ITGB5: variants seen among roughly 807,000 people sequenced by gnomAD.
ITGB5 encodes integrin subunit beta 5.
Under a neutral mutation model 84.8 loss-of-function variants are expected in ITGB5, and 38 were observed. That is an observed-to-expected ratio of 0.45 (90% CI 0.35 to 0.59). The LOEUF (loss-of-function observed/expected upper bound fraction) is 0.59, where lower values mean the gene tolerates loss of function less well. Ranked by LOEUF, ITGB5 falls within the 20% of genes least tolerant of loss-of-function variation. The probability of loss-of-function intolerance (pLI) is 0.01; values close to 1 mark genes in which losing one functional copy is unlikely to be tolerated. For missense variants in ITGB5, 905 were observed against 1,034.5 expected (o/e 0.87, Z 1.72); for synonymous variants, 393 against 414.4 (o/e 0.95, Z 0.63).
At chr3:124,843,320 T>G (rs965851261) in intron 4 of ITGB5, among the ~76,000 whole-genome samples, 1 of 152,220 alleles carries the variant, frequency 6.6e-6, no homozygotes, top group Non-Finnish European at 1.5e-5. Flanking sequence ...CCCTGGCCTA[T>G]GTGGCTCTGG....
chr3:124,819,628 G>T, intron 7 of ITGB5, 111 bp downstream of exon 7: 1 of 782,898 alleles, frequency 1.3e-6, no homozygotes. Context: ...GATCAAGACT[G>T]GGCTATATTC....
At chr3:124,783,906 C>T (rs1031293023) in intron 10 of ITGB5, among the ~76,000 whole-genome samples, 3 of 152,098 alleles carry the variant, frequency 2.0e-5, no homozygotes, top group Admixed American at 6.5e-5. Context: ...CTCCTCTGTC[C>T]GCGGCATATT....
intron 4 of ITGB5, among the ~76,000 whole-genome samples, chr3:124,846,884 G>A (rs1293109810): frequency 6.6e-6 from 1 of 152,060 alleles, no homozygotes; most frequent in Non-Finnish European, 1.5e-5. Context: ...GCAGGGAGCC[G>A]AGATTGCACC....
At chr3:124,793,504 T>A (rs898623509) in intron 10 of ITGB5, among the ~76,000 whole-genome samples, 2 of 152,218 alleles carry the variant, frequency 1.3e-5, no homozygotes, top group Non-Finnish European at 2.9e-5. Flanking sequence ...CTCCTGCACA[T>A]GGGGAACCAG....
At chr3:124,772,760 G>T (rs2063864631) in intron 11 of ITGB5, among the ~76,000 whole-genome samples, 1 of 152,130 alleles carries the variant, frequency 6.6e-6, no homozygotes, top group Non-Finnish European at 1.5e-5. Flanking sequence ...GTCAGCGAAG[G>T]CTGGGGCCCA....
At chr3:124,890,184 AT>A (rs1179926735), upstream of ITGB5, among the ~76,000 whole-genome samples, 1 of 150,882 alleles carries the variant, frequency 6.6e-6, no homozygotes, top group Admixed American at 6.7e-5. Flanking sequence ...TACAATAAAA[AT>A]TAGTACTTAT....
At chr3:124,871,388 G>A (rs1934040364) in intron 2 of ITGB5, among the ~76,000 whole-genome samples, 1 of 152,068 alleles carries the variant, frequency 6.6e-6, no homozygotes, top group South Asian at 2.1e-4. Context: ...TACAGATGGG[G>A]TTTCACCATA....
chr3:124,833,301 G>A (rs544887182), intron 5 of ITGB5, among the ~76,000 whole-genome samples: 1 of 152,186 alleles, frequency 6.6e-6, no homozygotes, highest in Admixed American at 6.5e-5. Flanking sequence ...GAAGAAGGTT[G>A]AACCATATGA....
rs777345433 is a variant in ITGB5, at chr3:124,796,683, G to C, written c.1398C>G (p.Ser466Arg). The stretch of plus-strand genomic sequence containing the variant: ...TGGCGCTGTTGGGTTCCAGCCCCAC[G>C]CTGCAGCCGCACGTGCAGTTGTAGG... Reference protein sequence around the residue: ...GVTYNCTCGCSVGLEPNSARC... With the variant: ...GVTYNCTCGCRVGLEPNSARC... Residue 466 changes from serine (S) to arginine (R), a missense_variant, in exon 10 of 15, where the codon AGC becomes AGG. Coordinates refer to ENST00000296181, the MANE Select transcript of ITGB5 (RefSeq NM_002213.5). 7 of 1,614,046 alleles carry C rather than the reference G, an allele frequency of 4.3e-6. No homozygotes were observed. The Admixed American group carries it at 1.0e-4, about 23-fold the overall frequency.
chr3:124,780,870 T>C (rs2150947338), intron 10 of ITGB5, among the ~76,000 whole-genome samples: 1 of 152,194 alleles, frequency 6.6e-6, no homozygotes, highest in Non-Finnish European at 1.5e-5. Flanking sequence ...CTGGAAGCCT[T>C]TACACATGGG....
chr3:124,787,803 G>T (rs946099251), intron 10 of ITGB5: 4 of 152,186 alleles, frequency 2.6e-5, no homozygotes, highest in Admixed American at 2.6e-4. Flanking sequence ...TGGCTCATGT[G>T]ACTAGTTTAA....
chr3:124,783,630 G>GAAGTATTAT (rs2064038135), intron 10 of ITGB5, among the ~76,000 whole-genome samples: 1 of 152,236 alleles, frequency 6.6e-6, no homozygotes, highest in Non-Finnish European at 1.5e-5. Flanking sequence ...AAAAGGAACA[G>GAAGTATTAT]AAGTATTATT....
chr3:124,810,453 T>C (rs2064481377), intron 8 of ITGB5, among the ~76,000 whole-genome samples: 1 of 152,078 alleles, frequency 6.6e-6, no homozygotes, highest in Admixed American at 6.5e-5. Flanking sequence ...TCTGTTAGTT[T>C]AAAAAATTGT....
In ITGB5 at chr3:124,821,340, G is replaced by A; in HGVS notation, c.915C>T (p.Ala305=). ...TCTGGTTGGATGCAGTGTACTCGTTGGCCTCGTTCAGGTGGCACTGGCCAT... is the reference window on the plus strand; with the variant it reads ...TCTGGTTGGATGCAGTGTACTCGTTAGCCTCGTTCAGGTGGCACTGGCCAT... ...PHDGQCHLNE[A]NEYTASNQMD... Residue 305 remains alanine (A), a synonymous_variant, in exon 6 of 15, where the codon GCC becomes GCT. Coordinates refer to ENST00000296181, the MANE Select transcript of ITGB5 (RefSeq NM_002213.5). 6.2e-7 allele frequency: 1 copy of A among 1,614,034 alleles called. No individual in the cohort carries two copies. Among genetic ancestry groups the A allele is most frequent in the Non-Finnish European group, 8.5e-7 (1 of 1,179,938 alleles).
intron 9 of ITGB5, among the ~76,000 whole-genome samples, chr3:124,801,180 A>G (rs1422922217): frequency 6.6e-6 from 1 of 152,222 alleles, no homozygotes; most frequent in African/African-American, 2.4e-5. Flanking sequence ...GACGGGGTTC[A>G]CTGGCTGCTT....
intron 9 of ITGB5, among the ~76,000 whole-genome samples, chr3:124,808,763 C>T (rs1477164938): frequency 6.6e-6 from 1 of 152,146 alleles, no homozygotes; most frequent in Non-Finnish European, 1.5e-5. Flanking sequence ...TTTAAAACAC[C>T]AAAGTCACGA....
chr3:124,776,056 G>T (rs1277589986), intron 10 of ITGB5, among the ~76,000 whole-genome samples: 1 of 152,254 alleles, frequency 6.6e-6, no homozygotes, highest in African/African-American at 2.4e-5. Flanking sequence ...CCAGGAGAGG[G>T]AAGGAAAGCC....
intron 9 of ITGB5, among the ~76,000 whole-genome samples, chr3:124,808,422 G>T (rs2064444024): frequency 1.3e-5 from 2 of 152,208 alleles, no homozygotes; most frequent in Admixed American, 1.3e-4. Flanking sequence ...GTCTGTGTCT[G>T]TGTTCTTGTT....
At chr3:124,899,609 C>T (rs936658221) in intron 1 of ITGB5, among the ~76,000 whole-genome samples, 7 of 152,104 alleles carry the variant, frequency 4.6e-5, no homozygotes, top group African/African-American at 1.7e-4. Context: ...AATCCAAGCA[C>T]TTTGGGAGGC....
Sources: gnomAD v4.1 joint callset for allele counts (sites outside exome capture counted in the v4.1 genomes callset) on GRCh38, gnomAD v4.1.1 for gene constraint, MANE v1.5 for transcripts, NCBI Gene and HGNC (gene_info 2026-07-23, HGNC 2026-07-21) for gene names.